The following RBFOX2 variants were observed in gnomAD, a reference collection of about 807,000 sequenced individuals.
The protein encoded by RBFOX2 is RNA binding fox-1 homolog 2, also known as RNA binding protein fox-1 homolog 2.
RBFOX2 carries 10 observed loss-of-function variants against 49.1 expected under a neutral mutation model. The ratio of observed to expected loss-of-function variants is 0.20; its 90% confidence interval spans 0.13 to 0.35. The LOEUF (loss-of-function observed/expected upper bound fraction) is 0.35. RBFOX2 is among the 10% of genes least tolerant of loss of function. The pLI, the probability that RBFOX2 is intolerant of heterozygous loss-of-function variation, is 1.00. For missense variants in RBFOX2, 323 were observed against 486.9 expected, an observed-to-expected ratio of 0.66 and a Z score of 3.17; for synonymous variants, 183 against 187.4, an observed-to-expected ratio of 0.98 and a Z score of 0.19.
At chr22:36,025,148 T>G (rs2059385762) in intron 1 of RBFOX2, among the ~76,000 whole-genome samples, 1 of 152,154 alleles carries the variant, frequency 6.6e-6, no homozygotes, top group Non-Finnish European at 1.5e-5. Context: ...CCTATAGATA[T>G]TTCTAAACCA....
chr22:35,757,111 T>C (rs1010029575), intron 9 of RBFOX2, among the ~76,000 whole-genome samples: 1 of 151,934 alleles, frequency 6.6e-6, no homozygotes, highest in Non-Finnish European at 1.5e-5. Context: ...TGACCAAAGA[T>C]CACCCTGTCT....
At chr22:35,875,627 T>TGG in intron 1 of RBFOX2, among the ~76,000 whole-genome samples, 1 of 144,120 alleles carries the variant, frequency 6.9e-6, no homozygotes, top group Non-Finnish European at 1.5e-5. Context: ...TGTGTGTGTG[T>TGG]GTGTGTGTGT....
rs529095381 is a variant in RBFOX2 at position 35,893,491 on chromosome 22, T to A, written c.-34+45356A>T. On this transcript the variant is annotated intron_variant, in intron 1 of 13. Transcript: ENST00000359369. ...ACAAATCAAAAGACAGAACAGCCCA[T>A]CCTTCAGGTCAACAGGGCTGATCAA... Among the ~76,000 whole-genome samples the A allele has an allele frequency of 1.2e-4, 18 of 152,248 alleles. 1 individual carries two copies. The South Asian group carries it at 3.5e-3, about 30-fold the overall frequency.
intron 1 of RBFOX2, chr22:35,840,084 TAAG>T: frequency 6.9e-7 from 1 of 1,451,046 alleles, no homozygotes; most frequent in Non-Finnish European, 9.7e-7. Context: ...TGGTCTGTTC[TAAG>T]AAGACAATAA....
At chr22:35,830,448 C>T (rs940875334) in intron 1 of RBFOX2, among the ~76,000 whole-genome samples, 3 of 152,204 alleles carry the variant, frequency 2.0e-5, no homozygotes, top group Admixed American at 6.5e-5. Flanking sequence ...AAATAATAGT[C>T]ATGTATCACT....
chr22:35,894,416 T>C (rs2047595399), intron 1 of RBFOX2, among the ~76,000 whole-genome samples: 1 of 152,102 alleles, frequency 6.6e-6, no homozygotes, highest in Admixed American at 6.6e-5. Flanking sequence ...GCCTATTGGC[T>C]CTCAATATCT....
exon 1 of RBFOX2, among the ~76,000 whole-genome samples, chr22:36,028,587 CG>C (rs1036199087): frequency 8.1e-5 from 12 of 148,292 alleles, no homozygotes; most frequent in Non-Finnish European, 1.2e-4. Flanking sequence ...CTCCGCGCCT[CG>C]CGGCCGCCGC....
intron 1 of RBFOX2, among the ~76,000 whole-genome samples, chr22:36,023,176 A>G (rs2146553786): frequency 6.6e-6 from 1 of 152,346 alleles, no homozygotes. Context: ...CTATGAGGAA[A>G]TAAGCCCATA....
At chr22:35,748,709 TA>T (rs1933740657) in intron 9 of RBFOX2, 1 of 152,130 alleles carries the variant, frequency 6.6e-6, no homozygotes, top group African/African-American at 2.4e-5. Flanking sequence ...AAAGTAACAT[TA>T]AAAAAATTTT....
chr22:35,754,640 T>C (rs771835273), intron 9 of RBFOX2, among the ~76,000 whole-genome samples: 1 of 152,200 alleles, frequency 6.6e-6, no homozygotes, highest in Non-Finnish European at 1.5e-5. Context: ...TTTAGAAATA[T>C]GTAATCTGGT....
chr22:35,774,072 C>T (rs944630115), intron 4 of RBFOX2, among the ~76,000 whole-genome samples: 2 of 151,944 alleles, frequency 1.3e-5, no homozygotes, highest in Non-Finnish European at 2.9e-5. Flanking sequence ...TTTCTTTATA[C>T]TTTTCATTAA....
intron 2 of RBFOX2, among the ~76,000 whole-genome samples, chr22:35,794,415 T>C (rs1165032861): frequency 6.6e-6 from 1 of 152,046 alleles, no homozygotes; most frequent in African/African-American, 2.4e-5. Context: ...TCCCAGCACT[T>C]TGGGAGGCTG....
chr22:35,874,897 G>A (rs1393194830), intron 1 of RBFOX2, among the ~76,000 whole-genome samples: 1 of 152,170 alleles, frequency 6.6e-6, no homozygotes, highest in East Asian at 1.9e-4. Context: ...ATTAGGAGAT[G>A]GAGCTTCTAA....
intron 11 of RBFOX2, among the ~76,000 whole-genome samples, chr22:35,744,955 A>G (rs1316238504): frequency 6.6e-6 from 1 of 152,206 alleles, no homozygotes; most frequent in African/African-American, 2.4e-5. Context: ...CATAGGACTT[A>G]TATCATTTTA....
intron 1 of RBFOX2, among the ~76,000 whole-genome samples, chr22:35,856,957 G>A (rs369750705): frequency 1.1e-3 from 168 of 152,222 alleles, no homozygotes; most frequent in African/African-American, 3.9e-3. Flanking sequence ...GCCTGAACCC[G>A]GGAGGCAGAG....
At chr22:35,807,678 G>A (rs1019651965) in intron 2 of RBFOX2, among the ~76,000 whole-genome samples, 24 of 151,682 alleles carry the variant, frequency 1.6e-4, no homozygotes, top group African/African-American at 5.8e-4. Flanking sequence ...CAACTCAAGA[G>A]GCTGGCAAAA....
At chr22:35,893,036 T>C (rs1004349653) in intron 1 of RBFOX2, among the ~76,000 whole-genome samples, 2 of 152,368 alleles carry the variant, frequency 1.3e-5, no homozygotes, top group South Asian at 2.1e-4. Flanking sequence ...AACAAAGGCA[T>C]TGGGCTAGAT....
intron 1 of RBFOX2, among the ~76,000 whole-genome samples, chr22:36,005,446 A>G (rs1051682424): frequency 1.3e-5 from 2 of 152,266 alleles, no homozygotes; most frequent in African/African-American, 4.8e-5. Flanking sequence ...ATGACAGAAC[A>G]CTGACGGCAA....
intron 1 of RBFOX2, among the ~76,000 whole-genome samples, chr22:35,856,565 C>A (rs1490494028): frequency 6.6e-6 from 1 of 151,258 alleles, no homozygotes; most frequent in Non-Finnish European, 1.5e-5. Flanking sequence ...TTCTATATTA[C>A]CCTGTGCACC....
Sources: gnomAD v4.1 joint callset for allele counts (sites outside exome capture counted in the v4.1 genomes callset) on GRCh38, gnomAD v4.1.1 for gene constraint, MANE v1.5 for transcripts, NCBI Gene and HGNC (gene_info 2026-07-23, HGNC 2026-07-21) for gene names.